The following GALNT13 variants were observed in gnomAD, a reference collection of about 807,000 sequenced individuals.
GALNT13 encodes the protein UDP-GalNAc:polypeptide N-acetylgalactosaminyltransferase 13.
GALNT13 carries 28 observed loss-of-function variants against 64.2 expected under a neutral mutation model. That is an observed-to-expected ratio of 0.44 (90% confidence interval 0.32 to 0.60). The LOEUF is 0.60. Among genes scored for constraint, GALNT13 ranks in the 20% least tolerant of loss-of-function variants. The pLI is 0.05. For synonymous variants in GALNT13, 214 were observed against 224.6 expected (o/e 0.95, Z 0.42); for missense variants, 577 against 669.8 (o/e 0.86, Z 1.53).
At chr2:153,260,872 G>A in the GALNT13 span, among the ~76,000 whole-genome samples, 1 of 152,026 alleles carries the variant, frequency 6.6e-6, no homozygotes, top group Non-Finnish European at 1.5e-5. Context: ...TTGTAGGTGA[G>A]CTTCATTCTT....
the GALNT13 span, among the ~76,000 whole-genome samples, chr2:153,722,464 G>T: frequency 6.8e-6 from 1 of 146,698 alleles, no homozygotes; most frequent in African/African-American, 2.7e-5. Context: ...AATCGGAGCA[G>T]AACTGAAGGA....
the GALNT13 span, among the ~76,000 whole-genome samples, chr2:153,602,752 A>G: frequency 1.3e-5 from 2 of 151,850 alleles, no homozygotes; most frequent in Non-Finnish European, 2.9e-5. Context: ...TTGGTCCATC[A>G]TAGGAGTGAA....
chr2:153,968,307 T>A (rs1693510377), intron 3 of GALNT13, among the ~76,000 whole-genome samples: 1 of 152,184 alleles, frequency 6.6e-6, no homozygotes, highest in Admixed American at 6.5e-5. Context: ...AAGTACTCCG[T>A]CTGTGAGCAC....
At chr2:153,940,112 A>G (rs1691231389) in intron 2 of GALNT13, among the ~76,000 whole-genome samples, 1 of 151,898 alleles carries the variant, frequency 6.6e-6, no homozygotes, top group African/African-American at 2.4e-5. Context: ...CTTCTCTTCT[A>G]CCATCTTTCA....
chr2:153,221,581 T>A, the GALNT13 span, among the ~76,000 whole-genome samples: 1 of 152,202 alleles, frequency 6.6e-6, no homozygotes, highest in Non-Finnish European at 1.5e-5. Context: ...GCCGGAGTTT[T>A]GCTCGGGCCT....
At chr2:154,048,337 G>A (rs1265966143) in intron 3 of GALNT13, among the ~76,000 whole-genome samples, 2 of 152,106 alleles carry the variant, frequency 1.3e-5, no homozygotes, top group Non-Finnish European at 2.9e-5. Context: ...TGGGGACTCT[G>A]AACAAAACCA....
intron 9 of GALNT13, among the ~76,000 whole-genome samples, chr2:154,329,167 G>A (rs539139152): frequency 9.9e-5 from 15 of 152,148 alleles, no homozygotes; most frequent in Admixed American, 5.9e-4. Flanking sequence ...GTGCAATGGC[G>A]CAATCTCGGC....
At chr2:153,946,096 G>A (rs142511352) in intron 3 of GALNT13, among the ~76,000 whole-genome samples, 82 of 152,234 alleles carry the variant, frequency 5.4e-4, no homozygotes, top group Admixed American at 2.6e-3. Context: ...AGCCTTCTGA[G>A]CTTCTTTGTC....
chr2:153,635,605 G>A, the GALNT13 span, among the ~76,000 whole-genome samples: 2 of 151,956 alleles, frequency 1.3e-5, no homozygotes, highest in African/African-American at 4.8e-5. Flanking sequence ...TATAGCCTAG[G>A]ATGAATTCTG....
chr2:153,737,251 C>T, the GALNT13 span, among the ~76,000 whole-genome samples: 1 of 152,090 alleles, frequency 6.6e-6, no homozygotes, highest in Non-Finnish European at 1.5e-5. Flanking sequence ...CCTAAGAGGT[C>T]CTTATGAAAG....
At chr2:153,785,699 T>A in the GALNT13 span, among the ~76,000 whole-genome samples, 2 of 151,862 alleles carry the variant, frequency 1.3e-5, no homozygotes, top group African/African-American at 2.4e-5. Flanking sequence ...CTTGGGGGCC[T>A]GCTTGCTGGG....
rs184969609 is a variant in GALNT13 at position 153,883,308 on chromosome 2, G to A, written c.-177+11005G>A. On this transcript the variant is annotated intron_variant, in intron 1 of 12. Transcript: ENST00000392825. ...ATGAGTCACAGTGAATCTCCACGAAGCATGACTTCCTAATTGGACGTCTAG... is the reference window on the plus strand; with the variant it reads ...ATGAGTCACAGTGAATCTCCACGAAACATGACTTCCTAATTGGACGTCTAG... Among the ~76,000 whole-genome samples the A allele has an allele frequency of 1.2e-4, 18 of 151,916 alleles. No homozygotes were observed. In the East Asian group the frequency reaches 3.3e-3, roughly 28 times the overall value.
the GALNT13 span, among the ~76,000 whole-genome samples, chr2:153,749,866 T>C: frequency 6.6e-6 from 1 of 151,946 alleles, no homozygotes; most frequent in East Asian, 1.9e-4. Context: ...AATACTATAT[T>C]GAATAAGAAT....
chr2:154,148,367 A>G (rs2105609052), intron 4 of GALNT13, among the ~76,000 whole-genome samples: 1 of 152,246 alleles, frequency 6.6e-6, no homozygotes, highest in African/African-American at 2.4e-5. Context: ...GCTATTGTGA[A>G]TAGTGCCGCA....
chr2:153,097,032 C>T, the GALNT13 span, among the ~76,000 whole-genome samples: 14 of 151,490 alleles, frequency 9.2e-5, no homozygotes, highest in African/African-American at 3.4e-4. Context: ...GTTGTGTGTT[C>T]GTTGTATGTT....
the GALNT13 span, among the ~76,000 whole-genome samples, chr2:153,614,990 G>T: frequency 6.6e-6 from 1 of 151,852 alleles, no homozygotes; most frequent in Non-Finnish European, 1.5e-5. Flanking sequence ...ACTATTTATT[G>T]TTGCCGTTAA....
the GALNT13 span, among the ~76,000 whole-genome samples, chr2:153,257,282 A>G: frequency 2.6e-4 from 39 of 152,146 alleles, no homozygotes; most frequent in Non-Finnish European, 4.4e-4. Flanking sequence ...GGGCTTCCCA[A>G]GTGAGGCAAT....
chr2:154,310,734 G>A (rs2105126897), intron 9 of GALNT13, among the ~76,000 whole-genome samples: 1 of 152,166 alleles, frequency 6.6e-6, no homozygotes, highest in East Asian at 1.9e-4. Flanking sequence ...GAGAGCACTG[G>A]AGGCAGACTA....
chr2:153,630,805 ATATTTTTTTTTTTT>A, the GALNT13 span, among the ~76,000 whole-genome samples: 1 of 15,006 alleles, frequency 6.7e-5, no homozygotes, highest in Non-Finnish European at 1.2e-4. Context: ...ATATATATAT[ATATTTTTTTTTTTT>A]TTTTTATTAT....
Sources: allele counts gnomAD v4.1 joint callset (sites outside exome capture counted in the v4.1 genomes callset), GRCh38; gene constraint gnomAD v4.1.1; transcripts MANE v1.5; gene names NCBI Gene and HGNC (gene_info 2026-07-23, HGNC 2026-07-21).